Variants in SHROOM4 observed in about 807,000 individuals in gnomAD.
SHROOM4 encodes the protein protein Shroom4.
In SHROOM4, 17 loss-of-function variants were observed where a neutral mutation model predicts 80.3. The observed-to-expected ratio is 0.21, with a 90% CI of 0.14 to 0.32. The LOEUF (loss-of-function observed/expected upper bound fraction) is 0.32. Among genes scored for constraint, SHROOM4 ranks in the 10% least tolerant of loss-of-function variants. The probability of loss-of-function intolerance (pLI) is 1.00; values close to 1 mark genes in which losing one functional copy is unlikely to be tolerated. For synonymous variants in SHROOM4, 400 were observed against 437.5 expected, an observed-to-expected ratio of 0.91 and a Z score of 1.07; for missense variants, 993 against 1,140.3, an observed-to-expected ratio of 0.87 and a Z score of 1.86.
At chrX:50,697,523 T>C (rs370151900) in intron 1 of SHROOM4, among the ~76,000 whole-genome samples, 30 of 112,341 alleles carry the variant, frequency 2.7e-4, no homozygotes, top group African/African-American at 9.4e-4. Context: ...ATCGAATTAA[T>C]TGAACTTCTG....
intron 1 of SHROOM4, among the ~76,000 whole-genome samples, chrX:50,707,930 G>C (rs1332660544): frequency 9.0e-6 from 1 of 111,132 alleles, no homozygotes; most frequent in African/African-American, 3.3e-5. Flanking sequence ...CCCTAACATG[G>C]GCCCTGGACC....
rs1408350232 is a variant in SHROOM4 at position 50,638,314 on chromosome X, G to T, written c.270-6C>A. 8.3e-7 allele frequency: 1 copy of T among 1,210,274 alleles called. No homozygotes were observed. Among genetic ancestry groups the T allele is most frequent in the Non-Finnish European group, 1.1e-6 (1 of 895,144 alleles). Reference sequence around the variant, plus strand: ...TACTGACAGGGGCGTTCCTCCTACAGCAAGAAAGGGACAGGAAGTGGGCTG... The same window carrying T: ...TACTGACAGGGGCGTTCCTCCTACATCAAGAAAGGGACAGGAAGTGGGCTG... On this transcript the variant is annotated splice_polypyrimidine_tract_variant and splice_region_variant and intron_variant, in intron 2 of 8. Transcript: ENST00000376020.
rs1160003987 is a variant in SHROOM4 at position 50,700,859 on chromosome X, T to A, written c.118-4922A>T. On this transcript the variant is annotated intron_variant, in intron 1 of 8. Coordinates refer to ENST00000376020, the MANE Select transcript of SHROOM4 (RefSeq NM_020717.5). ...AAAACAATAACCAATTAAAAAGATGTAAGTAGACCTGATTCAAAGGAGTAA... is the reference window on the plus strand; with the variant it reads ...AAAACAATAACCAATTAAAAAGATGAAAGTAGACCTGATTCAAAGGAGTAA... Among the ~76,000 whole-genome samples the A allele has an allele frequency of 2.7e-5, 3 of 112,072 alleles. No homozygotes were observed. In the East Asian group the frequency reaches 8.5e-4, roughly 32 times the overall value.
Position 50,695,771 on chromosome X carries a change from C to A in SHROOM4, c.269+15G>T. ...GTGGCCTCTGCACCTTACGGAGAAT[C>A]TCCCTGTACCTTACCTCCTGACAAT... On this transcript the variant is annotated intron_variant, in intron 2 of 8. Transcript: ENST00000376020. The A allele has an allele frequency of 1.7e-6, 2 of 1,210,978 alleles. No homozygotes were observed. Among genetic ancestry groups the A allele is most frequent in the East Asian group, 3.0e-5 (1 of 33,823 alleles).
intron 6 of SHROOM4, among the ~76,000 whole-genome samples, chrX:50,603,399 C>A (rs1470658760): frequency 9.0e-6 from 1 of 110,818 alleles, no homozygotes; most frequent in Non-Finnish European, 1.9e-5. Flanking sequence ...AAGAGGTCAC[C>A]CATGACCTCA....
chrX:50,757,368 G>A (rs184337557), intron 1 of SHROOM4, among the ~76,000 whole-genome samples: 42 of 112,114 alleles, frequency 3.7e-4, no homozygotes, highest in African/African-American at 1.4e-3. Context: ...TAAGCCAGTA[G>A]CACACTGACT....
intron 6 of SHROOM4, among the ~76,000 whole-genome samples, chrX:50,606,078 CTTTTTT>C (rs61169578): frequency 1.0e-5 from 1 of 98,921 alleles, no homozygotes; most frequent in Non-Finnish European, 2.0e-5. Flanking sequence ...ATGAAGGATT[CTTTTTT>C]TTTTTTTTAA....
rs187110881 is a variant in SHROOM4 at position 50,650,215 on chromosome X, G to A, written c.270-11907C>T. 3.9e-4 allele frequency among the ~76,000 whole-genome samples: 44 copies of A among 112,349 alleles called. No homozygotes were observed. The East Asian group carries it at 6.7e-3, about 17-fold the overall frequency. ...TTATACAGATATGCAAATATTGAAA[G>A]GCTGGATGTAAATGTACTAATATTG... On this transcript the variant is annotated intron_variant, in intron 2 of 8. Transcript: ENST00000376020.
intron 1 of SHROOM4, among the ~76,000 whole-genome samples, chrX:50,810,132 C>T (rs1468134549): frequency 1.8e-5 from 2 of 110,769 alleles, no homozygotes; most frequent in Admixed American, 9.6e-5. Context: ...TGCAAGACAC[C>T]GCATCCAGCA....
intron 1 of SHROOM4, among the ~76,000 whole-genome samples, chrX:50,712,870 C>A (rs1457999317): frequency 2.7e-5 from 3 of 111,326 alleles, no homozygotes; most frequent in Non-Finnish European, 5.7e-5. Context: ...TGATGCGTAT[C>A]CCATCATTCA....
At chrX:50,723,393 G>GGAGGGAGAGAGAGA (rs1557265630) in intron 1 of SHROOM4, among the ~76,000 whole-genome samples, 7 of 54,469 alleles carry the variant, frequency 1.3e-4, no homozygotes, top group African/African-American at 4.0e-4. Flanking sequence ...AGCAAGGGAG[G>GGAGGGAGAGAGAGA]GAGAGAGAGA....
intron 1 of SHROOM4, among the ~76,000 whole-genome samples, chrX:50,731,022 T>C (rs1934358258): frequency 9.1e-6 from 1 of 110,451 alleles, no homozygotes; most frequent in Admixed American, 9.6e-5. Context: ...TCTTTTCCTC[T>C]CTTCTTTAAA....
At chrX:50,805,302 C>G (rs188742043) in intron 1 of SHROOM4, among the ~76,000 whole-genome samples, 9 of 111,126 alleles carry the variant, frequency 8.1e-5, no homozygotes, top group Admixed American at 5.8e-4. Flanking sequence ...TCTTATGGAC[C>G]GTGAAAGGCA....
intron 2 of SHROOM4, among the ~76,000 whole-genome samples, chrX:50,666,025 G>A (rs184728223): frequency 8.9e-6 from 1 of 111,941 alleles, no homozygotes; most frequent in East Asian, 2.8e-4. Flanking sequence ...GTAGAATTAC[G>A]ATACTCCTAA....
intron 1 of SHROOM4, among the ~76,000 whole-genome samples, chrX:50,808,515 C>G: frequency 9.0e-6 from 1 of 111,657 alleles, no homozygotes; most frequent in Middle Eastern, 4.6e-3. Context: ...TAAGTCTGCC[C>G]CTTGGTGCTT....
chrX:50,805,962 T>C (rs868929780), intron 1 of SHROOM4, among the ~76,000 whole-genome samples: 49 of 75,060 alleles, frequency 6.5e-4, no homozygotes, highest in African/African-American at 2.4e-3. Context: ...CCGCCACCAC[T>C]GGAAGCATGG....
At position 50,814,115 on chromosome X, in the gene SHROOM4, G is replaced by A. The variant is rs1376078076; in HGVS notation, c.-97C>T. 3 of 585,413 alleles carry A rather than the reference G, an allele frequency of 5.1e-6. No homozygotes were observed. The highest frequency in any genetic ancestry group is 2.3e-5 in the African/African-American group (1 of 44,327). The allele number at this position is 585,413 out of a possible 1,213,427, so 48.2% of individuals were successfully genotyped here. The stretch of plus-strand genomic sequence containing the variant: ...CGCCACCATCGCCCTCCAGCTCTAC[G>A]CCACCCCGCACCGCCCTGCTCCGCC... On this transcript the variant is annotated 5_prime_UTR_variant, in exon 1 of 9. Coordinates refer to ENST00000376020, the MANE Select transcript of SHROOM4 (RefSeq NM_020717.5).
intron 5 of SHROOM4, among the ~76,000 whole-genome samples, chrX:50,616,118 G>A (rs893763078): frequency 1.8e-5 from 2 of 112,138 alleles, no homozygotes; most frequent in East Asian, 5.6e-4. Flanking sequence ...ACTTCAACTG[G>A]GTGCCTGGCC....
chrX:50,640,534 C>T (rs917925409), intron 2 of SHROOM4, among the ~76,000 whole-genome samples: 24 of 110,865 alleles, frequency 2.2e-4, no homozygotes, highest in Non-Finnish European at 3.6e-4. Context: ...AGAAGTCTGC[C>T]GGCCTGTCTG....
Sources: gnomAD v4.1 joint callset for allele counts (sites outside exome capture counted in the v4.1 genomes callset) on GRCh38, gnomAD v4.1.1 for gene constraint, MANE v1.5 for transcripts, NCBI Gene and HGNC (gene_info 2026-07-23, HGNC 2026-07-21) for gene names.